Variants in ZMIZ1 observed in about 807,000 individuals in gnomAD.
ZMIZ1 encodes zinc finger MIZ domain-containing protein 1.
ZMIZ1 carries 17 observed loss-of-function variants against 113.9 expected under a neutral mutation model. The observed-to-expected ratio is 0.15, with a 90% CI of 0.10 to 0.22. The LOEUF (loss-of-function observed/expected upper bound fraction) is 0.22. ZMIZ1 is among the 10% of genes least tolerant of loss of function. ZMIZ1 has a pLI of 1.00. For synonymous variants in ZMIZ1, 607 were observed against 603.1 expected (o/e 1.01, Z -0.09); for missense variants, 1,059 against 1,477.8 (o/e 0.72, Z 4.65).
Position 79,272,346 on chromosome 10 carries a change from A to T in ZMIZ1, c.281-4835A>T, listed in dbSNP as rs141853899. On this transcript the variant is annotated intron_variant, in intron 7 of 24. Transcript: ENST00000334512. ...GAGTAAGCATTAACATTTGGCAGATAAACCGAAGCCCAGAGAGATTGTACT... is the reference window on the plus strand; with the variant it reads ...GAGTAAGCATTAACATTTGGCAGATTAACCGAAGCCCAGAGAGATTGTACT... Among the ~76,000 whole-genome samples the T allele has an allele frequency of 8.8e-3, 1,338 of 152,354 alleles. 16 individuals carry two copies. The highest frequency in any genetic ancestry group is 0.014 in the Non-Finnish European group (938 of 68,034).
intron 7 of ZMIZ1, among the ~76,000 whole-genome samples, chr10:79,276,182 C>T (rs1285523833): frequency 2.6e-5 from 4 of 152,292 alleles, no homozygotes; most frequent in African/African-American, 7.2e-5. Context: ...CTTTTTACCT[C>T]TAAGCAAACT....
intron 1 of ZMIZ1, among the ~76,000 whole-genome samples, chr10:79,085,755 G>C (rs1463712977): frequency 1.3e-5 from 2 of 152,214 alleles, no homozygotes; most frequent in Non-Finnish European, 2.9e-5. Context: ...TTCAGAATGA[G>C]ACTCTTATTC....
At chr10:79,237,829 T>G (rs1353682045) in intron 7 of ZMIZ1, among the ~76,000 whole-genome samples, 1 of 152,214 alleles carries the variant, frequency 6.6e-6, no homozygotes, top group Admixed American at 6.5e-5. Context: ...TCCTAGGACC[T>G]GGTGTTAGGT....
chr10:79,086,158 G>A (rs1842805544), intron 1 of ZMIZ1, among the ~76,000 whole-genome samples: 1 of 152,184 alleles, frequency 6.6e-6, no homozygotes, highest in East Asian at 1.9e-4. Flanking sequence ...CTTCTGTTAA[G>A]AAAGGGCCTT....
At chr10:79,196,920 G>T (rs1847857036) in intron 4 of ZMIZ1, among the ~76,000 whole-genome samples, 1 of 152,248 alleles carries the variant, frequency 6.6e-6, no homozygotes, top group Admixed American at 6.5e-5. Flanking sequence ...GTCCATCCTG[G>T]CTGGGGACAC....
chr10:79,290,429 C>T (rs1244814023), intron 9 of ZMIZ1, among the ~76,000 whole-genome samples: 1 of 152,228 alleles, frequency 6.6e-6, no homozygotes, highest in South Asian at 2.1e-4. Context: ...ATGGAAGGCT[C>T]AGGGCTGCTT....
chr10:79,261,248 G>A (rs533761831), intron 7 of ZMIZ1, among the ~76,000 whole-genome samples: 3 of 152,308 alleles, frequency 2.0e-5, no homozygotes, highest in East Asian at 1.9e-4. Flanking sequence ...CAACTGGTGC[G>A]CGCTCAGCTC....
At chr10:79,293,264 A>G (rs2132036425) in intron 11 of ZMIZ1, 117 bp from the exon 12 acceptor site, 1 of 1,384,780 alleles carries the variant, frequency 7.2e-7, no homozygotes, top group Non-Finnish European at 9.8e-7. Context: ...CGCACAGGAC[A>G]GTGCCCCCTC....
At chr10:79,229,705 C>A (rs1306786256) in intron 7 of ZMIZ1, among the ~76,000 whole-genome samples, 1 of 152,164 alleles carries the variant, frequency 6.6e-6, no homozygotes, top group African/African-American at 2.4e-5. Flanking sequence ...ACTTAGGGAA[C>A]CCTGTACTCC....
chr10:79,229,038 A>C (rs769369480), intron 7 of ZMIZ1, among the ~76,000 whole-genome samples: 1 of 152,166 alleles, frequency 6.6e-6, no homozygotes, highest in Non-Finnish European at 1.5e-5. Context: ...TTGCTATGTG[A>C]CTGTATGCAA....
At chr10:79,095,127 T>C (rs1843128673) in intron 1 of ZMIZ1, among the ~76,000 whole-genome samples, 1 of 152,134 alleles carries the variant, frequency 6.6e-6, no homozygotes. Flanking sequence ...TGTGGGACCT[T>C]GGGCATTTGA....
At chr10:79,300,501 G>A (rs1021874766) in intron 16 of ZMIZ1, among the ~76,000 whole-genome samples, 1 of 152,128 alleles carries the variant, frequency 6.6e-6, no homozygotes, top group African/African-American at 2.4e-5. Flanking sequence ...GCTGTGGGGT[G>A]TGATGGGAAT....
intron 4 of ZMIZ1, among the ~76,000 whole-genome samples, chr10:79,173,804 AG>A (rs1846703773): frequency 1.3e-5 from 2 of 152,228 alleles, no homozygotes; most frequent in Admixed American, 1.3e-4. Context: ...CAGAGACGCT[AG>A]GTAATATGCT....
At chr10:79,208,253 T>G in intron 5 of ZMIZ1, 83 bp from the exon 6 acceptor site, 4 of 1,211,108 alleles carry the variant, frequency 3.3e-6, no homozygotes, top group Non-Finnish European at 3.6e-6. Context: ...TGAGGCTGGG[T>G]TCTTCCCACC....
At chr10:79,214,437 TG>T (rs1409666805) in intron 6 of ZMIZ1, among the ~76,000 whole-genome samples, 9 of 152,208 alleles carry the variant, frequency 5.9e-5, no homozygotes, top group South Asian at 2.1e-4. Flanking sequence ...CAAGAGTCAC[TG>T]GTGATCCTGG....
chr10:79,168,257 C>G (rs1846443639), intron 4 of ZMIZ1, among the ~76,000 whole-genome samples: 1 of 152,240 alleles, frequency 6.6e-6, no homozygotes, highest in Non-Finnish European at 1.5e-5. Flanking sequence ...GGTGCCACTA[C>G]CCAAAGCGGA....
intron 2 of ZMIZ1, among the ~76,000 whole-genome samples, chr10:79,125,689 G>A (rs1329249733): frequency 6.6e-6 from 1 of 152,224 alleles, no homozygotes; most frequent in Non-Finnish European, 1.5e-5. Flanking sequence ...AATAGACACT[G>A]GGTGGGGCCA....
rs371489241 is a variant in ZMIZ1 at position 79,309,174 on chromosome 10, T to C, written c.2835+1603T>C. ...CGCAGAGACTGGCCAGAGCGCTCTA[T>C]CCAGATGCTGCTGCCCCCACAGACT... is the stretch of plus-strand genomic sequence containing the variant. On this transcript the variant is annotated intron_variant, in intron 23 of 24. Coordinates refer to ENST00000334512, the MANE Select transcript of ZMIZ1 (RefSeq NM_020338.4). 3.4e-3 allele frequency among the ~76,000 whole-genome samples: 520 copies of C among 152,310 alleles called. 1 individual carries two copies. The highest frequency in any genetic ancestry group is 0.011 in the African/African-American group (467 of 41,564).
chr10:79,081,072 C>T (rs77284962), intron 1 of ZMIZ1, among the ~76,000 whole-genome samples: 240 of 152,296 alleles, frequency 1.6e-3, no homozygotes, highest in African/African-American at 5.5e-3. Flanking sequence ...CCTCCACGGA[C>T]AGGCTGCTCC....
Sources: gnomAD v4.1 joint callset for allele counts (sites outside exome capture counted in the v4.1 genomes callset) on GRCh38, gnomAD v4.1.1 for gene constraint, MANE v1.5 for transcripts, NCBI Gene and HGNC (gene_info 2026-07-23, HGNC 2026-07-21) for gene names.